Variants in CAMTA1 observed in about 807,000 individuals in gnomAD.
The protein encoded by CAMTA1 is calmodulin binding transcription activator 1.
Under a neutral mutation model 170.9 loss-of-function variants are expected in CAMTA1, and 27 were observed. The observed-to-expected ratio is 0.16, with a 90% CI of 0.12 to 0.22. The LOEUF is 0.22. Among genes scored for constraint, CAMTA1 ranks in the 10% least tolerant of loss-of-function variants. The pLI is 1.00. For missense variants in CAMTA1, 1,619 were observed against 2,217.2 expected, an observed-to-expected ratio of 0.73 and a Z score of 5.42; for synonymous variants, 833 against 891.5, an observed-to-expected ratio of 0.93 and a Z score of 1.17.
intron 6 of CAMTA1, among the ~76,000 whole-genome samples, chr1:7,568,015 A>G (rs1480284761): frequency 6.6e-6 from 1 of 152,184 alleles, no homozygotes; most frequent in Non-Finnish European, 1.5e-5. Context: ...TGCTCATAGA[A>G]TATTGCCTGA....
At chr1:7,310,603 T>TC (rs1491107772) in intron 5 of CAMTA1, among the ~76,000 whole-genome samples, 1 of 1,954 alleles carries the variant, frequency 5.1e-4, no homozygotes, top group South Asian at 0.023. Flanking sequence ...TCTTTTCTTT[T>TC]CTTTCTTTCT....
chr1:7,162,722 A>G (rs1478777468), intron 4 of CAMTA1, among the ~76,000 whole-genome samples: 1 of 152,094 alleles, frequency 6.6e-6, no homozygotes, highest in East Asian at 1.9e-4. Context: ...GTTGATGGAC[A>G]TTTAGGTTGC....
chr1:7,465,917 G>A (rs563955246), intron 5 of CAMTA1, among the ~76,000 whole-genome samples: 1 of 152,344 alleles, frequency 6.6e-6, no homozygotes, highest in African/African-American at 2.4e-5. Context: ...GACAGGTGAA[G>A]AGGGAAAGTC....
At chr1:7,655,105 T>TACAC (rs1558063970) in intron 7 of CAMTA1, among the ~76,000 whole-genome samples, 1 of 16,150 alleles carries the variant, frequency 6.2e-5, no homozygotes, top group Admixed American at 1.1e-3. Flanking sequence ...CACACACCTA[T>TACAC]ACACACACCT....
At chr1:7,412,556 T>G (rs1333414185) in intron 5 of CAMTA1, among the ~76,000 whole-genome samples, 1 of 152,258 alleles carries the variant, frequency 6.6e-6, no homozygotes, top group Non-Finnish European at 1.5e-5. Context: ...ATAAATATCT[T>G]CTTTTGAGAA....
At chr1:7,584,889 C>T (rs941111822) in intron 6 of CAMTA1, among the ~76,000 whole-genome samples, 2 of 152,132 alleles carry the variant, frequency 1.3e-5, no homozygotes, top group African/African-American at 2.4e-5. Context: ...ACAGCCCCCA[C>T]GGTGGAGTTA....
intron 3 of CAMTA1, among the ~76,000 whole-genome samples, chr1:6,954,817 T>C (rs1237159321): frequency 6.6e-6 from 1 of 152,068 alleles, no homozygotes; most frequent in African/African-American, 2.4e-5. Flanking sequence ...GGCGGGGCCC[T>C]GCCACCTCCT....
intron 3 of CAMTA1, among the ~76,000 whole-genome samples, chr1:6,922,055 A>G (rs184426552): frequency 6.6e-6 from 1 of 152,384 alleles, no homozygotes; most frequent in East Asian, 1.9e-4. Flanking sequence ...CACCAACAAT[A>G]TAAGAAGGCC....
intron 6 of CAMTA1, among the ~76,000 whole-genome samples, chr1:7,602,364 T>G (rs1238427075): frequency 1.3e-5 from 2 of 151,804 alleles, no homozygotes; most frequent in Admixed American, 1.3e-4. Flanking sequence ...AGATTCAACT[T>G]CTTCCTGGTT....
At chr1:7,563,296 C>T (rs935453732) in intron 6 of CAMTA1, among the ~76,000 whole-genome samples, 2 of 152,202 alleles carry the variant, frequency 1.3e-5, no homozygotes, top group Admixed American at 6.5e-5. Context: ...TTTGGACTGG[C>T]CCAACTCCTT....
chr1:7,372,468 G>A (rs1557608192), intron 5 of CAMTA1, among the ~76,000 whole-genome samples: 1 of 152,158 alleles, frequency 6.6e-6, no homozygotes, highest in Non-Finnish European at 1.5e-5. Context: ...CCGTCTAGTC[G>A]AGCTGCACGT....
intron 5 of CAMTA1, among the ~76,000 whole-genome samples, chr1:7,363,235 G>C (rs2085692896): frequency 6.6e-6 from 1 of 152,140 alleles, no homozygotes; most frequent in Non-Finnish European, 1.5e-5. Context: ...CCATTTCACT[G>C]GGTGATTAAT....
Position 7,633,537 on chromosome 1 carries a change from G to A in CAMTA1, c.511-6863G>A, listed in dbSNP as rs2095686801. ...TCTGTCCCTCTAGAAGACATGCCTG[G>A]GGGTTCTCCAGGATTGGTCCTGAGA... On this transcript the variant is annotated intron_variant, in intron 6 of 22. Transcript: ENST00000303635. The surrounding 1 kb of genome is among the most constrained non-coding windows in gnomAD (Gnocchi z 4.1). 6.6e-6 allele frequency among the ~76,000 whole-genome samples: 1 copy of A among 152,174 alleles called. No individual in the cohort carries two copies. Among genetic ancestry groups the A allele is most frequent in the African/African-American group, 2.4e-5 (1 of 41,440 alleles).
At chr1:7,563,943 G>A (rs2094997841) in intron 6 of CAMTA1, among the ~76,000 whole-genome samples, 1 of 152,210 alleles carries the variant, frequency 6.6e-6, no homozygotes, top group South Asian at 2.1e-4. Flanking sequence ...TGCAGAGGGA[G>A]GGTAAAGCGA....
At chr1:6,946,196 T>TC (rs1365665150) in intron 3 of CAMTA1, among the ~76,000 whole-genome samples, 1 of 151,460 alleles carries the variant, frequency 6.6e-6, no homozygotes, top group Non-Finnish European at 1.5e-5. Flanking sequence ...TTCTTTTTTT[T>TC]TTTTTCTTTT....
chr1:7,263,088 A>AT lies in CAMTA1; in HGVS notation c.438+13472dup, dbSNP rs35549179. ...AGATGCGACACGGTATTTTGGCCGC[A>AT]TTTTTTTTTTCCCTTTCATAACACC... On this transcript the variant is annotated intron_variant, in intron 5 of 22. Coordinates refer to ENST00000303635, the MANE Select transcript of CAMTA1 (RefSeq NM_015215.4). 0.012 allele frequency among the ~76,000 whole-genome samples: 1,822 copies of AT among 149,136 alleles called. 115 individuals carry two copies. In the East Asian group the frequency reaches 0.16, roughly 13 times the overall value.
chr1:7,040,405 G>A (rs7543003), intron 3 of CAMTA1, among the ~76,000 whole-genome samples: 4,170 of 152,156 alleles, frequency 0.027, 204 homozygotes, highest in African/African-American at 0.094. Flanking sequence ...TGGTTGCTTC[G>A]GAGTCATTAG....
Position 7,443,898 on chromosome 1 carries a change from C to T in CAMTA1, c.439-23932C>T, listed in dbSNP as rs888269880. Reference sequence around the variant, plus strand: ...AGGAGGCACAGCCTCTCACCCATGCCTCTGCCTGGACACAGGACCAGGAAA... The same window carrying T: ...AGGAGGCACAGCCTCTCACCCATGCTTCTGCCTGGACACAGGACCAGGAAA... On this transcript the variant is annotated intron_variant, in intron 5 of 22. Transcript: ENST00000303635. This position sits in a 1 kb window ranked among gnomAD's most constrained non-coding sequence, Gnocchi z 4.1. 6.6e-6 allele frequency among the ~76,000 whole-genome samples: 1 copy of T among 152,188 alleles called. No homozygotes were observed. The highest frequency in any genetic ancestry group is 1.5e-5 in the Non-Finnish European group (1 of 68,046).
intron 3 of CAMTA1, among the ~76,000 whole-genome samples, chr1:7,031,716 A>G (rs1553224287): frequency 6.6e-6 from 1 of 151,298 alleles, no homozygotes; most frequent in South Asian, 2.1e-4. Context: ...ATTTTTTTGT[A>G]TTTTTTAGTA....
Sources: gnomAD v4.1 joint callset for allele counts (sites outside exome capture counted in the v4.1 genomes callset) on GRCh38, gnomAD v4.1.1 for gene constraint, Gnocchi (gnomAD v3.1) non-coding constraint, MANE v1.5 for transcripts, NCBI Gene and HGNC (gene_info 2026-07-23, HGNC 2026-07-21) for gene names.